Variants in RAPGEF2 observed in about 807,000 individuals in gnomAD.
The protein encoded by RAPGEF2 is Rap guanine nucleotide exchange factor 2.
A neutral mutation model predicts 186.7 loss-of-function variants in RAPGEF2; 54 were observed. That is an observed-to-expected ratio of 0.29 (90% confidence interval 0.23 to 0.36). The LOEUF (loss-of-function observed/expected upper bound fraction) is 0.36. Ranked by LOEUF, RAPGEF2 falls within the 10% of genes least tolerant of loss-of-function variation. The probability of loss-of-function intolerance (pLI) is 1.00; values close to 1 mark genes in which losing one functional copy is unlikely to be tolerated. For synonymous variants in RAPGEF2, 712 were observed against 705.9 expected, an observed-to-expected ratio of 1.01 and a Z score of -0.14; for missense variants, 1,532 against 2,045.0, an observed-to-expected ratio of 0.75 and a Z score of 4.84.
intron 7 of RAPGEF2, among the ~76,000 whole-genome samples, chr4:159,254,887 C>T (rs1755956839): frequency 6.6e-6 from 1 of 152,202 alleles, no homozygotes; most frequent in Non-Finnish European, 1.5e-5. Flanking sequence ...AGGCGTGAGC[C>T]ACCATGCCCC....
intron 4 of RAPGEF2, among the ~76,000 whole-genome samples, chr4:159,233,804 C>A (rs1457930053): frequency 6.6e-6 from 1 of 151,900 alleles, no homozygotes; most frequent in African/African-American, 2.4e-5. Flanking sequence ...AAAAAAAGTC[C>A]TTTTAATTTA....
intron 8 of RAPGEF2, among the ~76,000 whole-genome samples, chr4:159,309,455 G>A (rs2069855813): frequency 6.6e-6 from 1 of 152,136 alleles, no homozygotes; most frequent in Non-Finnish European, 1.5e-5. Flanking sequence ...TAGGCATTCA[G>A]TAAAGATGTG....
chr4:159,265,746 C>G (rs1479828654), intron 7 of RAPGEF2, among the ~76,000 whole-genome samples: 1 of 152,086 alleles, frequency 6.6e-6, no homozygotes, highest in Non-Finnish European at 1.5e-5. Flanking sequence ...AGTTAGAATC[C>G]AGACAGTTCC....
Position 159,225,686 on chromosome 4 carries a change from A to G in RAPGEF2, c.282-13123A>G, listed in dbSNP as rs1044080406. On this transcript the variant is annotated intron_variant, in intron 4 of 29. Transcript: ENST00000691494. ...TTTCATCTTAGCTCTTCTAGTAGAT[A>G]CGTGGCAGTATTCTTACTGTGGTTT... Among the ~76,000 whole-genome samples the G allele has an allele frequency of 5.9e-5, 9 of 152,196 alleles. No individual in the cohort carries two copies. In the South Asian group the frequency reaches 1.7e-3, roughly 28 times the overall value.
At chr4:159,206,087 C>T (rs184291328) in intron 3 of RAPGEF2, among the ~76,000 whole-genome samples, 5 of 152,238 alleles carry the variant, frequency 3.3e-5, no homozygotes, top group African/African-American at 4.8e-5. Context: ...CGCCACCATG[C>T]CCGGCTAATT....
intron 4 of RAPGEF2, among the ~76,000 whole-genome samples, chr4:159,228,720 A>T (rs1468543380): frequency 6.6e-6 from 1 of 152,192 alleles, no homozygotes; most frequent in East Asian, 1.9e-4. Flanking sequence ...CAATTTACAC[A>T]CACACATGTA....
chr4:159,351,202 A>C, intron 26 of RAPGEF2: 1 of 1,530,332 alleles, frequency 6.5e-7, no homozygotes, highest in Non-Finnish European at 8.7e-7. Context: ...TAGAACCAAA[A>C]ATGGGGTGGG....
intron 24 of RAPGEF2, 138 bp downstream of exon 24, chr4:159,345,467 T>C: frequency 1.4e-6 from 1 of 728,034 alleles, no homozygotes; most frequent in Non-Finnish European, 2.2e-6. Context: ...GTCTTTTCCT[T>C]GAATGCTAAT....
intron 4 of RAPGEF2, among the ~76,000 whole-genome samples, chr4:159,211,837 C>T (rs971077577): frequency 3.3e-5 from 5 of 152,074 alleles, no homozygotes; most frequent in Admixed American, 2.6e-4. Flanking sequence ...GAGGGAGGGA[C>T]ACTCTATTGC....
In RAPGEF2 at chr4:159,200,060, C is replaced by CTCTA. The variant is rs138313884; in HGVS notation, c.197+6805_197+6806insCTAT. ...GATTTGATGTAATCTCTCTCTCTCT[C>CTCTA]TATATATATATATAGTTTGTATTGG... is the stretch of plus-strand genomic sequence containing the variant. On this transcript the variant is annotated intron_variant, in intron 3 of 29. Transcript: ENST00000691494. 7.4e-4 allele frequency among the ~76,000 whole-genome samples: 112 copies of CTCTA among 151,406 alleles called. 1 individual carries two copies. The South Asian group carries it at 0.016, about 22-fold the overall frequency.
chr4:159,127,258 C>T (rs1019674565), intron 1 of RAPGEF2, among the ~76,000 whole-genome samples: 2 of 152,192 alleles, frequency 1.3e-5, no homozygotes, highest in Admixed American at 6.5e-5. Context: ...AATTCCTGAC[C>T]TCAGGTGATC....
intron 1 of RAPGEF2, among the ~76,000 whole-genome samples, chr4:159,159,388 CAACCTATAGATGTTTTCAAGA>C (rs898386914): frequency 1.7e-4 from 25 of 151,392 alleles, no homozygotes; most frequent in Non-Finnish European, 3.1e-4. Context: ...ATAGTGGGAT[CAACCTATAGATGTTTTCAAGA>C]AAACTGAGTG....
intron 4 of RAPGEF2, among the ~76,000 whole-genome samples, chr4:159,237,673 G>T (rs1472654166): frequency 6.6e-6 from 1 of 151,650 alleles, no homozygotes; most frequent in Non-Finnish European, 1.5e-5. Flanking sequence ...GAATTTTAAA[G>T]CATTTTTTTC....
At chr4:159,172,140 A>G (rs757352055) in intron 1 of RAPGEF2, among the ~76,000 whole-genome samples, 3 of 152,176 alleles carry the variant, frequency 2.0e-5, no homozygotes, top group Non-Finnish European at 2.9e-5. Context: ...TTTGCCACAC[A>G]CTAGTGAGAA....
At chr4:159,212,975 C>G (rs1266585968) in intron 4 of RAPGEF2, among the ~76,000 whole-genome samples, 1 of 152,198 alleles carries the variant, frequency 6.6e-6, no homozygotes, top group Middle Eastern at 3.2e-3. Context: ...TTCTTGAGCA[C>G]ATTGGACTCT....
At chr4:159,111,057 C>A (rs1486894683) in intron 1 of RAPGEF2, among the ~76,000 whole-genome samples, 1 of 150,606 alleles carries the variant, frequency 6.6e-6, no homozygotes, top group Non-Finnish European at 1.5e-5. Context: ...CATGCAAAAT[C>A]GCCACTACCT....
At chr4:159,167,509 C>T (rs1745453706) in intron 1 of RAPGEF2, among the ~76,000 whole-genome samples, 1 of 152,318 alleles carries the variant, frequency 6.6e-6, no homozygotes, top group Non-Finnish European at 1.5e-5. Context: ...CCATGTTGGG[C>T]CGGGAAAGAC....
chr4:159,193,306 TTTTC>T, intron 3 of RAPGEF2, 50 bp downstream of exon 3: 1 of 1,234,690 alleles, frequency 8.1e-7, no homozygotes, highest in Non-Finnish European at 1.1e-6. Context: ...AGTGACTAAA[TTTTC>T]TTAAAGTATC....
At chr4:159,266,670 G>GA (rs1757472294) in intron 7 of RAPGEF2, among the ~76,000 whole-genome samples, 1 of 152,004 alleles carries the variant, frequency 6.6e-6, no homozygotes, top group Non-Finnish European at 1.5e-5. Flanking sequence ...GGGTGTTTGT[G>GA]AAAATCACAT....
Sources: gnomAD v4.1 joint callset for allele counts (sites outside exome capture counted in the v4.1 genomes callset) on GRCh38, gnomAD v4.1.1 for gene constraint, MANE v1.5 for transcripts, NCBI Gene and HGNC (gene_info 2026-07-23, HGNC 2026-07-21) for gene names.